OPCML: variants seen among roughly 807,000 people sequenced by gnomAD.
OPCML encodes opioid-binding protein/cell adhesion molecule.
In OPCML, 13 loss-of-function variants were observed where a neutral mutation model predicts 37.8. The ratio of observed to expected loss-of-function variants is 0.34; its 90% CI spans 0.22 to 0.55. The LOEUF is 0.55. OPCML is among the 20% of genes least tolerant of loss of function. The probability of loss-of-function intolerance (pLI) is 0.91; values close to 1 mark genes in which losing one functional copy is unlikely to be tolerated. For missense variants in OPCML, 341 were observed against 435.6 expected, an observed-to-expected ratio of 0.78 and a Z score of 1.93; for synonymous variants, 176 against 168.8, an observed-to-expected ratio of 1.04 and a Z score of -0.33.
chr11:133,236,284 G>A (rs1051819106), intron 1 of OPCML, among the ~76,000 whole-genome samples: 3 of 152,184 alleles, frequency 2.0e-5, no homozygotes, highest in Non-Finnish European at 4.4e-5. Flanking sequence ...ACAAAGGGAT[G>A]ATTCATGTCT....
At chr11:132,488,198 G>T (rs2096205802) in intron 4 of OPCML, among the ~76,000 whole-genome samples, 1 of 152,214 alleles carries the variant, frequency 6.6e-6, no homozygotes, top group African/African-American at 2.4e-5. Flanking sequence ...ATACAGTCTT[G>T]TGTGAAGCAT....
At chr11:132,813,388 T>A (rs1222494575) in intron 2 of OPCML, among the ~76,000 whole-genome samples, 1 of 152,140 alleles carries the variant, frequency 6.6e-6, no homozygotes, top group African/African-American at 2.4e-5. Flanking sequence ...TCAAAATGAG[T>A]TCACAAAAGT....
At chr11:132,848,529 C>A (rs78268291) in intron 2 of OPCML, among the ~76,000 whole-genome samples, 7 of 152,330 alleles carry the variant, frequency 4.6e-5, no homozygotes, top group Non-Finnish European at 1.0e-4. Context: ...GCTCTGACCA[C>A]AACATCTCCA....
chr11:132,702,266 T>C (rs918389175), intron 2 of OPCML, among the ~76,000 whole-genome samples: 1 of 152,182 alleles, frequency 6.6e-6, no homozygotes, highest in Non-Finnish European at 1.5e-5. Flanking sequence ...ATGAACTCCC[T>C]CAGTTTTTTG....
chr11:132,627,322 T>C (rs912111009), intron 3 of OPCML, among the ~76,000 whole-genome samples: 1 of 152,204 alleles, frequency 6.6e-6, no homozygotes, highest in African/African-American at 2.4e-5. Flanking sequence ...ACCCAAATAT[T>C]GCAGCCATCT....
chr11:132,836,299 C>T (rs1940996711), intron 2 of OPCML, among the ~76,000 whole-genome samples: 1 of 152,056 alleles, frequency 6.6e-6, no homozygotes, highest in Admixed American at 6.6e-5. Flanking sequence ...AAAAATAATA[C>T]CCTGCCTGCT....
intron 1 of OPCML, among the ~76,000 whole-genome samples, chr11:133,204,907 T>C (rs865963802): frequency 1.9e-4 from 26 of 133,494 alleles, no homozygotes; most frequent in East Asian, 1.2e-3. Context: ...TATATATATA[T>C]ATACATACAC....
At chr11:132,982,835 T>C (rs1458913238) in intron 1 of OPCML, among the ~76,000 whole-genome samples, 2 of 152,188 alleles carry the variant, frequency 1.3e-5, no homozygotes, top group Non-Finnish European at 1.5e-5. Flanking sequence ...GCCAGCTCTC[T>C]CTATGAGCCC....
intron 1 of OPCML, among the ~76,000 whole-genome samples, chr11:133,500,743 C>T (rs2120535172): frequency 6.6e-6 from 1 of 152,362 alleles, no homozygotes; most frequent in East Asian, 1.9e-4. Flanking sequence ...CCCCAGCAGG[C>T]TGGAGTTCCC....
In OPCML at chr11:132,471,529, G is replaced by A. The variant is rs140042442; in HGVS notation, c.506-34170C>T. ...GCAACCATCAGAAAGTTTGCTTGGG[G>A]CTGGAGGACCTGATTCAAGTTGGCT... On this transcript the variant is annotated intron_variant, in intron 4 of 7. Coordinates refer to ENST00000524381, the MANE Select transcript of OPCML (RefSeq NM_001012393.5). Among the ~76,000 whole-genome samples, 156 of 152,246 alleles carry A rather than the reference G, an allele frequency of 1.0e-3. 3 individuals are homozygous for A. In the East Asian group the frequency reaches 0.028, roughly 28 times the overall value.
chr11:132,714,785 A>C (rs974848655), intron 2 of OPCML, among the ~76,000 whole-genome samples: 5 of 152,242 alleles, frequency 3.3e-5, no homozygotes, highest in Non-Finnish European at 7.3e-5. Flanking sequence ...CAGGTGATAC[A>C]GAAAGAAAAT....
chr11:133,226,908 C>T (rs1035531000), intron 1 of OPCML, among the ~76,000 whole-genome samples: 1 of 152,234 alleles, frequency 6.6e-6, no homozygotes, highest in Non-Finnish European at 1.5e-5. Flanking sequence ...CTCATAGACA[C>T]ATATAGCTCA....
chr11:133,217,331 C>A (rs892226192), intron 1 of OPCML, among the ~76,000 whole-genome samples: 1 of 152,212 alleles, frequency 6.6e-6, no homozygotes, highest in African/African-American at 2.4e-5. Flanking sequence ...TTCCCATGGG[C>A]AGAATTGGGG....
intron 1 of OPCML, among the ~76,000 whole-genome samples, chr11:133,470,499 C>G (rs777109115): frequency 6.6e-6 from 1 of 152,202 alleles, no homozygotes; most frequent in Non-Finnish European, 1.5e-5. Context: ...CCCAGACAAT[C>G]TGGCAAATGT....
At chr11:132,759,402 A>G (rs892064283) in intron 2 of OPCML, among the ~76,000 whole-genome samples, 4 of 152,206 alleles carry the variant, frequency 2.6e-5, no homozygotes, top group Non-Finnish European at 5.9e-5. Flanking sequence ...CACCTCTGGT[A>G]GAATTTGGCT....
At chr11:133,510,829 C>A (rs1448397454) in intron 1 of OPCML, among the ~76,000 whole-genome samples, 1 of 152,104 alleles carries the variant, frequency 6.6e-6, no homozygotes, top group Non-Finnish European at 1.5e-5. Flanking sequence ...CTGCATTCCT[C>A]TTCTGGTGAT....
chr11:132,436,829 A>G, intron 5 of OPCML, 50 bp from the exon 6 acceptor site: 1 of 1,586,382 alleles, frequency 6.3e-7, no homozygotes, highest in Non-Finnish European at 8.6e-7. Flanking sequence ...GCACGCACAC[A>G]CAGAGTGATT....
intron 3 of OPCML, among the ~76,000 whole-genome samples, chr11:132,536,685 G>A (rs2096341732): frequency 6.6e-6 from 1 of 151,948 alleles, no homozygotes; most frequent in Non-Finnish European, 1.5e-5. Context: ...TATCCTTCTG[G>A]GGCTACCTTT....
intron 3 of OPCML, among the ~76,000 whole-genome samples, chr11:132,531,186 T>C (rs1030686399): frequency 3.9e-5 from 6 of 152,198 alleles, no homozygotes; most frequent in African/African-American, 1.4e-4. Flanking sequence ...AATTTCTCTT[T>C]GAAAGAAAGA....
Sources: allele counts gnomAD v4.1 joint callset (sites outside exome capture counted in the v4.1 genomes callset), GRCh38; gene constraint gnomAD v4.1.1; transcripts MANE v1.5; gene names NCBI Gene and HGNC (gene_info 2026-07-23, HGNC 2026-07-21).